The following GATA4 variants were observed in gnomAD, a reference collection of about 807,000 sequenced individuals.
GATA4 encodes the protein GATA binding protein 4.
A neutral mutation model predicts 37.9 loss-of-function variants in GATA4; 7 were observed. The ratio of observed to expected loss-of-function variants is 0.18; its 90% CI spans 0.11 to 0.35. The LOEUF is 0.35. Among genes scored for constraint, GATA4 ranks in the 10% least tolerant of loss-of-function variants. The probability of loss-of-function intolerance (pLI) is 1.00; values close to 1 mark genes in which losing one functional copy is unlikely to be tolerated. For missense variants in GATA4, 647 were observed against 653.0 expected, an observed-to-expected ratio of 0.99 and a Z score of 0.10; for synonymous variants, 372 against 292.6, an observed-to-expected ratio of 1.27 and a Z score of -2.77.
chr8:11,726,173 A>G (rs556559983), intron 2 of GATA4, among the ~76,000 whole-genome samples: 25 of 152,330 alleles, frequency 1.6e-4, no homozygotes, highest in African/African-American at 6.0e-4. Context: ...GCTTTGGCTC[A>G]CATATTCAGA....
chr8:11,693,562 C>CAGAGAGAGAGAGAGAGAG (rs139631153), intron 1 of GATA4, among the ~76,000 whole-genome samples: 35 of 72,222 alleles, frequency 4.8e-4, no homozygotes, highest in African/African-American at 1.5e-3. Context: ...CACACACACA[C>CAGAGAGAGAGAGAGAGAG]AGAGAGAGAG....
At chr8:11,746,212 A>C (rs373746735) in intron 2 of GATA4, among the ~76,000 whole-genome samples, 12 of 151,704 alleles carry the variant, frequency 7.9e-5, no homozygotes, top group Admixed American at 2.0e-4. Context: ...TGGGTGACAG[A>C]GTGAGACTCT....
intron 2 of GATA4, among the ~76,000 whole-genome samples, chr8:11,745,698 G>A (rs1224300658): frequency 6.6e-6 from 1 of 152,182 alleles, no homozygotes; most frequent in Non-Finnish European, 1.5e-5. Context: ...CTCCGAACAA[G>A]AGGAACACAT....
intron 2 of GATA4, among the ~76,000 whole-genome samples, chr8:11,743,836 A>T (rs1193512845): frequency 6.6e-6 from 1 of 152,210 alleles, no homozygotes; most frequent in Non-Finnish European, 1.5e-5. Context: ...GAATATCCAT[A>T]CTGCACCGGC....
chr8:11,683,513 C>T (rs1359375419), intron 1 of GATA4, among the ~76,000 whole-genome samples: 3 of 152,180 alleles, frequency 2.0e-5, no homozygotes, highest in Admixed American at 2.0e-4. Context: ...TCGATTCCAA[C>T]TTTCACCGTA....
At chr8:11,724,748 C>A (rs563747941) in intron 2 of GATA4, among the ~76,000 whole-genome samples, 133 of 152,262 alleles carry the variant, frequency 8.7e-4, no homozygotes, top group African/African-American at 3.1e-3. Context: ...AATGCATTGC[C>A]CACATGGAGG....
chr8:11,729,501 A>C (rs545868046), intron 2 of GATA4, among the ~76,000 whole-genome samples: 3 of 151,888 alleles, frequency 2.0e-5, no homozygotes, highest in African/African-American at 7.2e-5. Flanking sequence ...CCCAGGACAC[A>C]GAGGTTGCTG....
upstream of GATA4, among the ~76,000 whole-genome samples, chr8:11,688,497 CACAT>C (rs1260419343): frequency 1.3e-5 from 2 of 151,762 alleles, no homozygotes; most frequent in Non-Finnish European, 2.9e-5. Flanking sequence ...AAATAAAGCA[CACAT>C]GCATGCATGC....
At chr8:11,757,945 G>A (rs1349106931) in intron 6 of GATA4, among the ~76,000 whole-genome samples, 1 of 152,224 alleles carries the variant, frequency 6.6e-6, no homozygotes, top group African/African-American at 2.4e-5. Context: ...GCCCCTTCTG[G>A]GCCGGGTGGA....
chr8:11,718,615 C>G (rs1800534980), intron 2 of GATA4, among the ~76,000 whole-genome samples: 1 of 152,212 alleles, frequency 6.6e-6, no homozygotes, highest in South Asian at 2.1e-4. Context: ...CTCAAGCTTC[C>G]TCACGATTCT....
At chr8:11,683,177 G>C in intron 1 of GATA4, 1 of 940,488 alleles carries the variant, frequency 1.1e-6, no homozygotes, top group Admixed American at 6.2e-5. Flanking sequence ...ATCTAATCTG[G>C]ACAGCAGCAG....
chr8:11,727,312 G>C (rs570205333), intron 2 of GATA4, among the ~76,000 whole-genome samples: 1 of 152,198 alleles, frequency 6.6e-6, no homozygotes, highest in Non-Finnish European at 1.5e-5. Flanking sequence ...AGCAGAGGAT[G>C]GGGGGAGAAG....
At chr8:11,726,442 G>C (rs1459307864) in intron 2 of GATA4, among the ~76,000 whole-genome samples, 1 of 152,212 alleles carries the variant, frequency 6.6e-6, no homozygotes, top group Non-Finnish European at 1.5e-5. Context: ...GGGCAGTGAG[G>C]TGTGGCCAAC....
Position 11,708,945 on chromosome 8 carries a change from G to T in GATA4, c.616+17G>T. ...CCAATCTCGGTGAGTAGGAGCGCGA[G>T]GGCTGGGGCGCGTGAGGGCCGGGGC... On this transcript the variant is annotated intron_variant, in intron 2 of 6. Transcript: ENST00000532059. This position sits in a 1 kb window ranked among gnomAD's most constrained non-coding sequence, Gnocchi z 6.7. The T allele has an allele frequency of 6.6e-7, 1 of 1,520,268 alleles. No homozygotes were observed. The highest frequency in any genetic ancestry group is 2.5e-5 in the East Asian group (1 of 40,038). 94.2% of individuals were successfully genotyped at this position (1,520,268 alleles called of 1,614,324 possible).
At chr8:11,681,282 G>A in intron 1 of GATA4, 1 of 985,392 alleles carries the variant, frequency 1.0e-6, no homozygotes, top group African/African-American at 1.7e-5. Flanking sequence ...GCCTCCGCAC[G>A]CTGAGGTTCC....
chr8:11,710,568 T>C (rs1395166660), intron 2 of GATA4, among the ~76,000 whole-genome samples: 4 of 150,272 alleles, frequency 2.7e-5, no homozygotes, highest in Non-Finnish European at 5.9e-5. Context: ...CGCGCGCCTG[T>C]AGTCTCAGCT....
At chr8:11,697,743 G>GAC (rs1470060918) in intron 1 of GATA4, 15 of 985,342 alleles carry the variant, frequency 1.5e-5, no homozygotes, top group African/African-American at 1.7e-5. Context: ...TGCTCGCCGC[G>GAC]CCAGGTCGCG....
chr8:11,685,047 C>CT (rs1476385713), intron 1 of GATA4, among the ~76,000 whole-genome samples: 5 of 152,124 alleles, frequency 3.3e-5, no homozygotes, highest in Admixed American at 3.3e-4. Context: ...TCACAAGATG[C>CT]TTTACTTAGC....
Position 11,693,213 on chromosome 8 carries a change from C to G in GATA4, c.-729+553C>G, listed in dbSNP as rs894616199. 3.7e-4 allele frequency among the ~76,000 whole-genome samples: 57 copies of G among 152,320 alleles called. 1 individual carries two copies. The highest frequency in any genetic ancestry group is 3.2e-4 in the Non-Finnish European group (22 of 68,022). ...GGGCGCGGTGGCGCATATTTGTAAT[C>G]CCAGCACTTAGTGAGGCAGAGGCGG... On this transcript the variant is annotated intron_variant, in intron 1 of 2. Transcript: ENST00000526974.
Sources: allele counts gnomAD v4.1 joint callset (sites outside exome capture counted in the v4.1 genomes callset), GRCh38; gene constraint gnomAD v4.1.1; non-coding constraint Gnocchi (gnomAD v3.1); transcripts MANE v1.5; gene names NCBI Gene and HGNC (gene_info 2026-07-23, HGNC 2026-07-21).